SOX5: variants seen among roughly 807,000 people sequenced by gnomAD.
The protein encoded by SOX5 is transcription factor SOX-5.
SOX5 carries 9 observed loss-of-function variants against 92.0 expected under a neutral mutation model. That is an observed-to-expected ratio of 0.10 (90% CI 0.06 to 0.17). The LOEUF (loss-of-function observed/expected upper bound fraction) is 0.17. Ranked by LOEUF, SOX5 falls within the 10% of genes least tolerant of loss-of-function variation. The pLI is 1.00. For missense variants in SOX5, 642 were observed against 944.5 expected, an observed-to-expected ratio of 0.68 and a Z score of 4.20; for synonymous variants, 344 against 336.3, an observed-to-expected ratio of 1.02 and a Z score of -0.25.
At chr12:24,038,813 A>G (rs1353720432) in intron 4 of SOX5, among the ~76,000 whole-genome samples, 1 of 152,168 alleles carries the variant, frequency 6.6e-6, no homozygotes, top group Non-Finnish European at 1.5e-5. Flanking sequence ...CTGCACTGCA[A>G]TACTTTCATC....
chr12:24,247,045 T>C (rs968062232), intron 3 of SOX5, among the ~76,000 whole-genome samples: 6 of 152,152 alleles, frequency 3.9e-5, no homozygotes, highest in African/African-American at 1.4e-4. Context: ...AGAAGAAAAC[T>C]GTACCAGTCC....
At chr12:23,813,194 A>T (rs911984812) in intron 3 of SOX5, among the ~76,000 whole-genome samples, 1 of 152,234 alleles carries the variant, frequency 6.6e-6, no homozygotes, top group Non-Finnish European at 1.5e-5. Flanking sequence ...AATAAGGAGC[A>T]GTTTCTTTCC....
rs574302500 is a variant in SOX5, at chr12:24,493,661, G to A, written c.-251+68668C>T. ...AGGAGGATCACAAGGTCAGGAGATC[G>A]AGACCATCCTGGCTAACACAGTGAA... is the stretch of plus-strand genomic sequence containing the variant. On this transcript the variant is annotated intron_variant, in intron 1 of 4. Coordinates refer to the SOX5 transcript ENST00000446891. Among the ~76,000 whole-genome samples, 9 of 152,064 alleles carry A rather than the reference G, an allele frequency of 5.9e-5. No homozygotes were observed. The East Asian group carries it at 1.7e-3, about 30-fold the overall frequency.
intron 4 of SOX5, among the ~76,000 whole-genome samples, chr12:24,085,956 T>TAA (rs144400872): frequency 6.5e-5 from 9 of 138,510 alleles, no homozygotes; most frequent in African/African-American, 1.6e-4. Flanking sequence ...ACGGATATGC[T>TAA]AAAAAAAAAA....
chr12:23,666,145 G>A (rs10743480), intron 6 of SOX5, among the ~76,000 whole-genome samples: 89,052 of 151,156 alleles, frequency 0.59, 26,387 homozygotes, highest in South Asian at 0.64. Context: ...GAGGTAAGTA[G>A]TGCCAAAAGA....
At chr12:23,808,920 C>A (rs887512199) in intron 3 of SOX5, among the ~76,000 whole-genome samples, 2 of 151,990 alleles carry the variant, frequency 1.3e-5, no homozygotes, top group Non-Finnish European at 2.9e-5. Context: ...GACATATTAA[C>A]ATTCAATATT....
chr12:23,917,706 A>G (rs886948104), intron 1 of SOX5, among the ~76,000 whole-genome samples: 45 of 152,214 alleles, frequency 3.0e-4, no homozygotes, highest in African/African-American at 1.1e-3. Flanking sequence ...TAGAGGATTC[A>G]TGGATACCTC....
chr12:24,313,948 C>A (rs1485617118), intron 2 of SOX5, among the ~76,000 whole-genome samples: 3 of 133,860 alleles, frequency 2.2e-5, no homozygotes, highest in African/African-American at 7.5e-5. Flanking sequence ...AGGCCAAAAT[C>A]CTCAAATCAT....
chr12:23,890,547 GCACCAAAACGGT>G (rs112481946), intron 2 of SOX5, among the ~76,000 whole-genome samples: 34 of 151,960 alleles, frequency 2.2e-4, no homozygotes, highest in South Asian at 8.3e-4. Flanking sequence ...CAGAAAACGG[GCACCAAAACGGT>G]CACCAAAACG....
chr12:24,187,110 A>G (rs1319279061), intron 4 of SOX5, among the ~76,000 whole-genome samples: 6 of 152,174 alleles, frequency 3.9e-5, no homozygotes, highest in Non-Finnish European at 5.9e-5. Context: ...TGGAAGCACA[A>G]TCAGTCCCAT....
intron 2 of SOX5, among the ~76,000 whole-genome samples, chr12:24,330,960 C>T (rs1489354282): frequency 6.6e-6 from 1 of 152,214 alleles, no homozygotes; most frequent in African/African-American, 2.4e-5. Flanking sequence ...GAAGCAGCCA[C>T]ACGCTAATAT....
At chr12:23,600,765 T>C (rs1005797228) in intron 9 of SOX5, among the ~76,000 whole-genome samples, 2 of 151,728 alleles carry the variant, frequency 1.3e-5, no homozygotes, top group African/African-American at 2.4e-5. Flanking sequence ...ACAACTCCAG[T>C]GTGCCGTTTT....
At chr12:24,006,667 T>C (rs1415712635) in intron 4 of SOX5, among the ~76,000 whole-genome samples, 1 of 152,102 alleles carries the variant, frequency 6.6e-6, no homozygotes, top group Non-Finnish European at 1.5e-5. Flanking sequence ...GTTAGGAAGA[T>C]TCCTTGTCCA....
intron 1 of SOX5, among the ~76,000 whole-genome samples, chr12:23,906,894 G>A (rs1456819159): frequency 1.3e-5 from 2 of 150,790 alleles, no homozygotes. Context: ...GAGACATATG[G>A]TTGCCATATG....
At chr12:24,207,422 G>A (rs541456263) in intron 4 of SOX5, among the ~76,000 whole-genome samples, 52 of 151,870 alleles carry the variant, frequency 3.4e-4, no homozygotes, top group African/African-American at 1.2e-3. Flanking sequence ...ATATAATAAG[G>A]GTGCCTGTCA....
At chr12:23,561,675 C>G (rs17381981) in intron 11 of SOX5, among the ~76,000 whole-genome samples, 10,771 of 152,104 alleles carry the variant, frequency 0.071, 540 homozygotes, top group South Asian at 0.11. Context: ...AACCACAAGG[C>G]CTGCTTTGCA....
chr12:23,611,426 C>T (rs2075947160), intron 8 of SOX5, among the ~76,000 whole-genome samples: 1 of 150,790 alleles, frequency 6.6e-6, no homozygotes, highest in Admixed American at 6.6e-5. Context: ...TTTTCTGTAT[C>T]CATTTATCTA....
intron 2 of SOX5, among the ~76,000 whole-genome samples, chr12:24,313,812 T>C (rs185115492): frequency 1.2e-3 from 189 of 152,344 alleles, no homozygotes; most frequent in African/African-American, 4.3e-3. Flanking sequence ...ACGCTTCTGT[T>C]CAATATTTCT....
intron 2 of SOX5, among the ~76,000 whole-genome samples, chr12:23,894,777 G>C (rs1342960906): frequency 6.6e-6 from 1 of 151,582 alleles, no homozygotes; most frequent in East Asian, 1.9e-4. Context: ...TAATTTCCTG[G>C]AGGAAAAAAA....
Sources: gnomAD v4.1 joint callset for allele counts (sites outside exome capture counted in the v4.1 genomes callset) on GRCh38, gnomAD v4.1.1 for gene constraint, MANE v1.5 for transcripts, NCBI Gene and HGNC (gene_info 2026-07-23, HGNC 2026-07-21) for gene names.